Variants in MCU observed in about 807,000 individuals in gnomAD.
MCU encodes calcium uniporter protein, mitochondrial.
MCU carries 12 observed loss-of-function variants against 45.2 expected under a neutral mutation model. That is an observed-to-expected ratio of 0.27 (90% CI 0.17 to 0.43). The LOEUF is 0.43. MCU is among the 20% of genes least tolerant of loss of function. The probability of loss-of-function intolerance (pLI) is 1.00; values close to 1 mark genes in which losing one functional copy is unlikely to be tolerated. For synonymous variants in MCU, 160 were observed against 165.1 expected, an observed-to-expected ratio of 0.97 and a Z score of 0.24; for missense variants, 324 against 436.7, an observed-to-expected ratio of 0.74 and a Z score of 2.30.
At chr10:72,883,153 T>C (rs1403324811) in intron 6 of MCU, among the ~76,000 whole-genome samples, 2 of 152,150 alleles carry the variant, frequency 1.3e-5, no homozygotes, top group East Asian at 1.9e-4. Context: ...ATTCCACTTA[T>C]ATGAAATGTC....
chr10:72,860,015 G>A lies in MCU; in HGVS notation c.392-408G>A, dbSNP rs11597101. On this transcript the variant is annotated intron_variant, in intron 3 of 7. Coordinates refer to ENST00000373053, the MANE Select transcript of MCU (RefSeq NM_138357.3). ...TGTATAATACTTTGCTAACCCCAGC[G>A]TCTATCTCTACTGAATTATTGGCAA... The A allele has an allele frequency of 2.2e-3, 361 of 163,994 alleles. 3 individuals are homozygous for A. The highest frequency in any genetic ancestry group is 4.0e-3 in the Admixed American group (69 of 17,170). 10.2% of individuals were successfully genotyped at this position (163,994 alleles called of 1,614,324 possible). A position where few individuals can be genotyped will look rare whatever the true frequency, so the allele number is the denominator to read the frequency against.
chr10:72,715,854 G>T, intron 1 of MCU: 2 of 985,436 alleles, frequency 2.0e-6, no homozygotes, highest in Non-Finnish European at 2.4e-6. Context: ...TCTGTCTTAG[G>T]TATTGGTGAT....
intron 2 of MCU, among the ~76,000 whole-genome samples, chr10:72,858,264 C>T (rs372568126): frequency 1.3e-5 from 2 of 152,194 alleles, no homozygotes; most frequent in South Asian, 4.1e-4. Flanking sequence ...GATCTTCATG[C>T]CCCTTCATGG....
At chr10:72,777,767 G>A (rs1056051967) in intron 1 of MCU, among the ~76,000 whole-genome samples, 1 of 152,170 alleles carries the variant, frequency 6.6e-6, no homozygotes, top group African/African-American at 2.4e-5. Context: ...ACAACATAGA[G>A]AATGGGAGAA....
intron 1 of MCU, among the ~76,000 whole-genome samples, chr10:72,787,379 C>T (rs1261897268): frequency 2.0e-5 from 3 of 152,174 alleles, no homozygotes; most frequent in Non-Finnish European, 4.4e-5. Context: ...AGCAGTTCTC[C>T]TGCCTCAGCC....
In MCU at chr10:72,848,618, G is replaced by A. The variant is rs1287898894; in HGVS notation, c.221-10559G>A. On this transcript the variant is annotated intron_variant, in intron 2 of 7. Transcript: ENST00000373053. ...GCAATTAAATTTCAAGGTGAGTTTT[G>A]GAGGAGACATTCAAACCATAGCAAA... Among the ~76,000 whole-genome samples the A allele has an allele frequency of 6.6e-5, 10 of 152,136 alleles. No individual in the cohort carries two copies. In the East Asian group the frequency reaches 1.9e-3, roughly 29 times the overall value.
intron 1 of MCU, among the ~76,000 whole-genome samples, chr10:72,709,894 G>C (rs1842868615): frequency 6.6e-6 from 1 of 152,132 alleles, no homozygotes; most frequent in Non-Finnish European, 1.5e-5. Flanking sequence ...TCCTGCATTG[G>C]TGTTCGATTC....
intron 1 of MCU, among the ~76,000 whole-genome samples, chr10:72,793,988 A>G (rs1416634028): frequency 6.6e-6 from 1 of 152,190 alleles, no homozygotes; most frequent in Non-Finnish European, 1.5e-5. Flanking sequence ...CACATATGCA[A>G]ATTACATTCA....
intron 1 of MCU, among the ~76,000 whole-genome samples, chr10:72,819,278 T>C (rs1463478199): frequency 1.3e-5 from 2 of 152,174 alleles, no homozygotes; most frequent in Non-Finnish European, 2.9e-5. Flanking sequence ...CTGACATTTT[T>C]GTGAGAAGGC....
intron 1 of MCU, among the ~76,000 whole-genome samples, chr10:72,833,533 G>A (rs1333930611): frequency 6.6e-6 from 1 of 152,142 alleles, no homozygotes; most frequent in African/African-American, 2.4e-5. Flanking sequence ...ATTTTTCTTT[G>A]TGCTGATGGA....
rs201454766 is a variant in MCU at position 72,877,941 on chromosome 10, A to G, written c.862-6325A>G. Among the ~76,000 whole-genome samples, 12 of 151,656 alleles carry G rather than the reference A, an allele frequency of 7.9e-5. 1 individual carries two copies. The East Asian group carries it at 2.3e-3, about 30-fold the overall frequency. Reference sequence around the variant, plus strand: ...TAGTATAGGCTCTTTCAGGTACTGTAGCTCATCTTTCATTCATCTCAATCC... The same window carrying G: ...TAGTATAGGCTCTTTCAGGTACTGTGGCTCATCTTTCATTCATCTCAATCC... On this transcript the variant is annotated intron_variant, in intron 6 of 7. Transcript: ENST00000373053.
chr10:72,720,243 C>A (rs960693197), intron 1 of MCU, among the ~76,000 whole-genome samples: 1 of 152,118 alleles, frequency 6.6e-6, no homozygotes, highest in African/African-American at 2.4e-5. Context: ...GATTTTATTT[C>A]ATTTATTCTG....
At chr10:72,700,163 G>A (rs111990948) in intron 1 of MCU, among the ~76,000 whole-genome samples, 17 of 151,122 alleles carry the variant, frequency 1.1e-4, no homozygotes, top group African/African-American at 3.9e-4. Context: ...GAGTTCAAGC[G>A]ATTCTCCTGT....
intron 1 of MCU, chr10:72,756,850 A>G (rs1321690820): frequency 6.6e-6 from 1 of 151,488 alleles, no homozygotes; most frequent in East Asian, 1.9e-4. Context: ...AGAGTTCATC[A>G]ACTCAAGCTT....
intron 1 of MCU, among the ~76,000 whole-genome samples, chr10:72,716,756 T>C (rs1314155685): frequency 6.6e-6 from 1 of 151,656 alleles, no homozygotes; most frequent in Admixed American, 6.6e-5. Context: ...CCTGTAGTTA[T>C]GGCTACTCGG....
chr10:72,849,143 T>TG (rs1421009505), intron 2 of MCU, among the ~76,000 whole-genome samples: 3 of 151,896 alleles, frequency 2.0e-5, no homozygotes, highest in Non-Finnish European at 2.9e-5. Context: ...TAGCCGGGCA[T>TG]GGTGGCAGGC....
At chr10:72,769,404 G>A (rs1843773639) in intron 1 of MCU, among the ~76,000 whole-genome samples, 1 of 152,128 alleles carries the variant, frequency 6.6e-6, no homozygotes, top group South Asian at 2.1e-4. Flanking sequence ...TAAATATGGG[G>A]AGGAAAGGTT....
chr10:72,752,381 G>C (rs73286732), intron 1 of MCU, among the ~76,000 whole-genome samples: 16,159 of 152,090 alleles, frequency 0.11, 2,871 homozygotes, highest in African/African-American at 0.36. Flanking sequence ...CAGGCATGAG[G>C]CACCACGCCC....
chr10:72,840,024 A>T lies in MCU; in HGVS notation c.220+5596A>T, dbSNP rs549010496. Among the ~76,000 whole-genome samples the T allele has an allele frequency of 5.8e-4, 88 of 151,692 alleles. 1 individual carries two copies. In the South Asian group the frequency reaches 0.018, roughly 31 times the overall value. On this transcript the variant is annotated intron_variant, in intron 2 of 7. Transcript: ENST00000373053. ...CATTTGCCTGTAAGTCTTTGTATGG[A>T]CATGTTTTCATTCTTCTTGGATAGA... is the stretch of plus-strand genomic sequence containing the variant.
Sources: gnomAD v4.1 joint callset for allele counts (sites outside exome capture counted in the v4.1 genomes callset) on GRCh38, gnomAD v4.1.1 for gene constraint, MANE v1.5 for transcripts, NCBI Gene and HGNC (gene_info 2026-07-23, HGNC 2026-07-21) for gene names.